Variants in ASTN2 observed in about 807,000 individuals in gnomAD.
The protein encoded by ASTN2 is astrotactin 2, also known as astrotactin-2.
In ASTN2, 54 loss-of-function variants were observed where a neutral mutation model predicts 139.8. The ratio of observed to expected loss-of-function variants is 0.39; its 90% confidence interval spans 0.31 to 0.48. The LOEUF is 0.48. ASTN2 is among the 20% of genes least tolerant of loss of function. The pLI is 0.95. For synonymous variants in ASTN2, 756 were observed against 719.5 expected, an observed-to-expected ratio of 1.05 and a Z score of -0.81; for missense variants, 1,565 against 1,725.1, an observed-to-expected ratio of 0.91 and a Z score of 1.64.
intron 16 of ASTN2, among the ~76,000 whole-genome samples, chr9:116,660,140 A>G (rs1742828): frequency 0.59 from 88,494 of 151,206 alleles, 26,306 homozygotes; most frequent in East Asian, 0.87. Flanking sequence ...GTATGTTGTG[A>G]TGTATGTGTT....
At chr9:116,568,385 A>C (rs1161917181) in intron 19 of ASTN2, 3 of 151,920 alleles carry the variant, frequency 2.0e-5, no homozygotes, top group African/African-American at 7.3e-5. Context: ...TTTTTAGGAG[A>C]TGTTAAGTAG....
At chr9:117,330,766 G>A (rs932670911) in intron 1 of ASTN2, among the ~76,000 whole-genome samples, 3 of 152,190 alleles carry the variant, frequency 2.0e-5, no homozygotes, top group Admixed American at 1.3e-4. Context: ...TTTCTTTGTA[G>A]CTAGTTGTAA....
chr9:116,621,585 C>T (rs549390418), intron 17 of ASTN2, among the ~76,000 whole-genome samples: 1 of 151,902 alleles, frequency 6.6e-6, no homozygotes, highest in South Asian at 2.1e-4. Flanking sequence ...TAGAATCATG[C>T]TCCTCTTCTG....
At chr9:117,350,854 G>A (rs1297754628) in intron 1 of ASTN2, among the ~76,000 whole-genome samples, 5 of 152,260 alleles carry the variant, frequency 3.3e-5, no homozygotes, top group Admixed American at 6.5e-5. Flanking sequence ...AGCTGGGAAA[G>A]ACATGCAGCA....
intron 20 of ASTN2, among the ~76,000 whole-genome samples, chr9:116,453,123 T>C (rs910959161): frequency 1.3e-5 from 2 of 152,140 alleles, no homozygotes; most frequent in Non-Finnish European, 2.9e-5. Context: ...ATGTGAGTTC[T>C]GCTTTCCATG....
At chr9:116,920,135 T>C (rs577565321) in intron 10 of ASTN2, among the ~76,000 whole-genome samples, 1 of 152,208 alleles carries the variant, frequency 6.6e-6, no homozygotes, top group South Asian at 2.1e-4. Context: ...TCTCTAAAGA[T>C]GGTCTGAGCT....
chr9:117,306,423 C>A (rs1242191566), intron 1 of ASTN2, among the ~76,000 whole-genome samples: 1 of 152,174 alleles, frequency 6.6e-6, no homozygotes, highest in Non-Finnish European at 1.5e-5. Context: ...CAAGGACACG[C>A]TCTCTGTACT....
At chr9:117,377,937 G>T (rs908133004) in intron 1 of ASTN2, among the ~76,000 whole-genome samples, 2 of 152,106 alleles carry the variant, frequency 1.3e-5, no homozygotes, top group Non-Finnish European at 1.5e-5. Flanking sequence ...TAATTAAAGA[G>T]AAAAATAAGT....
At chr9:116,905,866 T>TGGGGG (rs375750971) in intron 10 of ASTN2, among the ~76,000 whole-genome samples, 9 of 32,622 alleles carry the variant, frequency 2.8e-4, no homozygotes, top group Non-Finnish European at 4.2e-4. Context: ...TTTTTTTTTT[T>TGGGGG]GGGGGGGGGT....
intron 7 of ASTN2, among the ~76,000 whole-genome samples, chr9:116,981,887 G>C (rs1836521651): frequency 6.6e-6 from 1 of 152,170 alleles, no homozygotes; most frequent in Non-Finnish European, 1.5e-5. Flanking sequence ...GAATTCAATT[G>C]GATGGTTTTC....
At chr9:117,075,184 A>T (rs1828245769) in intron 5 of ASTN2, among the ~76,000 whole-genome samples, 1 of 152,190 alleles carries the variant, frequency 6.6e-6, no homozygotes, top group East Asian at 1.9e-4. Context: ...CTGGGGCAAG[A>T]AGGGGTGGAC....
At chr9:117,038,763 G>T (rs1838467195) in intron 6 of ASTN2, among the ~76,000 whole-genome samples, 1 of 152,136 alleles carries the variant, frequency 6.6e-6, no homozygotes, top group African/African-American at 2.4e-5. Flanking sequence ...TTGAGAAACA[G>T]ACGCCAACAT....
At chr9:117,047,858 TATC>T (rs1382580708) in intron 5 of ASTN2, among the ~76,000 whole-genome samples, 2 of 151,978 alleles carry the variant, frequency 1.3e-5, no homozygotes, top group Non-Finnish European at 2.9e-5. Context: ...TTATTATTAT[TATC>T]ATCATCATCA....
chr9:116,586,812 T>TCACACA (rs141414264), intron 19 of ASTN2, among the ~76,000 whole-genome samples: 196 of 79,950 alleles, frequency 2.5e-3, no homozygotes, highest in Middle Eastern at 6.1e-3. Context: ...CAGTTGAAAT[T>TCACACA]CACACACACA....
intron 13 of ASTN2, among the ~76,000 whole-genome samples, chr9:116,787,701 A>G (rs1024561802): frequency 6.6e-6 from 1 of 152,176 alleles, no homozygotes; most frequent in Non-Finnish European, 1.5e-5. Flanking sequence ...CCTCTATTGC[A>G]ATAGCCTTGA....
At chr9:117,356,066 A>T (rs1229533327) in intron 1 of ASTN2, among the ~76,000 whole-genome samples, 1 of 152,160 alleles carries the variant, frequency 6.6e-6, no homozygotes, top group Admixed American at 6.5e-5. Flanking sequence ...AACCCTACTG[A>T]ATTCATTGCC....
chr9:116,698,457 T>A lies in ASTN2; in HGVS notation c.2806+27314A>T. ...TGCAGAGGTGCAGGCTGTGTCTCGC[T>A]GTGACTACTTCCTGGCCAAGATCAA... On this transcript the variant is annotated intron_variant, in intron 16 of 22. Transcript: ENST00000313400. This position sits in a 1 kb window ranked among gnomAD's most constrained non-coding sequence, Gnocchi z 4.4. 6.2e-7 allele frequency: 1 copy of A among 1,614,034 alleles called. No individual in the cohort carries two copies. Among genetic ancestry groups the A allele is most frequent in the Non-Finnish European group, 8.5e-7 (1 of 1,180,032 alleles).
chr9:116,437,229 C>T (rs532122450), intron 22 of ASTN2: 35 of 445,496 alleles, frequency 7.9e-5, no homozygotes, highest in East Asian at 1.4e-4. Flanking sequence ...TGTTCTAGTT[C>T]GTCCTTATCA....
chr9:116,447,770 C>T (rs1009355804), intron 20 of ASTN2, among the ~76,000 whole-genome samples: 1 of 152,150 alleles, frequency 6.6e-6, no homozygotes, highest in Middle Eastern at 3.2e-3. Flanking sequence ...TTGTGATATG[C>T]AATAACCAAT....
Sources: allele counts gnomAD v4.1 joint callset (sites outside exome capture counted in the v4.1 genomes callset), GRCh38; gene constraint gnomAD v4.1.1; non-coding constraint Gnocchi (gnomAD v3.1); transcripts MANE v1.5; gene names NCBI Gene and HGNC (gene_info 2026-07-23, HGNC 2026-07-21).